LTK: variants seen among roughly 807,000 people sequenced by gnomAD.
The protein encoded by LTK is leukocyte receptor tyrosine kinase, also known as leukocyte tyrosine kinase receptor.
LTK carries 117 observed loss-of-function variants against 101.5 expected under a neutral mutation model. That is an observed-to-expected ratio of 1.15 (90% CI 0.99 to 1.34). The LOEUF (loss-of-function observed/expected upper bound fraction) is 1.34, where lower values mean the gene tolerates loss of function less well. LTK is among the 40% of genes most tolerant of loss of function. The pLI is 0.00. For missense variants in LTK, 1,252 were observed against 1,164.7 expected (o/e 1.07, Z -1.09); for synonymous variants, 563 against 494.2 (o/e 1.14, Z -1.85).
At position 41,511,979 on chromosome 15, in the gene LTK, G is replaced by T; in HGVS notation, c.511-16C>A. On this transcript the variant is annotated splice_polypyrimidine_tract_variant and intron_variant, in intron 4 of 19. Transcript: ENST00000263800. This position sits in a 1 kb window ranked among gnomAD's most constrained non-coding sequence, Gnocchi z 5.9. ...CCGGGCTACCCTGCGGGCAGCGGGG[G>T]AGGGAATCGGCGGGGCCCGGGAGCC... is the stretch of plus-strand genomic sequence containing the variant. 2 of 1,461,650 alleles carry T rather than the reference G, an allele frequency of 1.4e-6. No individual in the cohort carries two copies. Among genetic ancestry groups the T allele is most frequent in the South Asian group, 1.4e-5 (1 of 69,868 alleles). The allele number at this position is 1,461,650 out of a possible 1,614,324, so 90.5% of individuals were successfully genotyped here.
chr15:41,507,299 G>A lies in LTK; in HGVS notation c.1346-9C>T. The A allele has an allele frequency of 6.3e-7, 1 of 1,589,446 alleles. No homozygotes were observed. On this transcript the variant is annotated splice_polypyrimidine_tract_variant and intron_variant, in intron 10 of 19. Coordinates refer to ENST00000263800, the MANE Select transcript of LTK (RefSeq NM_002344.6). ...CCACTTCTTCTGCTTCACTGGGGGT[G>A]GGAAGAATAACGGCACACCCTCCAC...
chr15:41,511,411 C>CGCGCCCT lies in LTK; in HGVS notation c.814+4_814+10dup. 1 of 1,378,350 alleles carries CGCGCCCT rather than the reference C, an allele frequency of 7.3e-7. No individual in the cohort carries two copies. The highest frequency in any genetic ancestry group is 9.3e-7 in the Non-Finnish European group (1 of 1,074,846). 85.4% of individuals were successfully genotyped at this position (1,378,350 alleles called of 1,614,324 possible). ...AGCACGCCCGCCTCTCCCCGCGGCCCGCGCCCTCACCTGCCGCCCCGCCTC... is the reference window on the plus strand; with the variant it reads ...AGCACGCCCGCCTCTCCCCGCGGCCCGCGCCCTGCGCCCTCACCTGCCGCCCCGCCTC... On this transcript the variant is annotated intron_variant, in intron 6 of 19. Coordinates refer to ENST00000263800, the MANE Select transcript of LTK (RefSeq NM_002344.6). This position sits in a 1 kb window ranked among gnomAD's most constrained non-coding sequence, Gnocchi z 5.9.
Position 41,504,660 on chromosome 15 carries a change from A to G in LTK, c.2121-20T>C, listed in dbSNP as rs866007758. 1 of 1,610,784 alleles carries G rather than the reference A, an allele frequency of 6.2e-7. No homozygotes were observed. ...AAAGACCTGCATCACAAGTGGGGGA[A>G]CCAAGTGAGGCCCGTCAGGTGTAGC... On this transcript the variant is annotated intron_variant, in intron 17 of 19. Transcript: ENST00000263800.
rs1207905028 is a variant in LTK, at chr15:41,503,759, G to A, written c.*237C>T. ...CATGGACACCTGGGGTGTGTGTAAG[G>A]CGGCCTCTGGCCCCAAGATCAAAAG... On this transcript the variant is annotated 3_prime_UTR_variant, in exon 20 of 20. Coordinates refer to ENST00000263800, the MANE Select transcript of LTK (RefSeq NM_002344.6). The A allele has an allele frequency of 1.6e-5, 10 of 617,798 alleles. No homozygotes were observed. The highest frequency in any genetic ancestry group is 5.0e-5 in the Admixed American group (2 of 39,698). 38.3% of individuals were successfully genotyped at this position (617,798 alleles called of 1,614,324 possible).
intron 12 of LTK, 34 bp from the exon 13 acceptor site, chr15:41,505,811 C>G (rs1478454892): frequency 1.9e-6 from 3 of 1,610,920 alleles, no homozygotes; most frequent in East Asian, 2.2e-5. Flanking sequence ...TCTGAGCTGC[C>G]CTGCACGCTT....
At chr15:41,505,884 T>C (rs1451977189) in intron 12 of LTK, 31 bp downstream of exon 12, 5 of 1,604,348 alleles carry the variant, frequency 3.1e-6, no homozygotes, top group African/African-American at 1.3e-5. Context: ...TCCGCTCTCC[T>C]ACCCCCAGCC....
In LTK at chr15:41,511,140, T is replaced by A; in HGVS notation, c.997+24A>T. Reference sequence around the variant, plus strand: ...CACCTCACCCTCGGGCCTGCTCAGCTGCCCTCTCCAACGGTGCACCTACCC... The same window carrying A: ...CACCTCACCCTCGGGCCTGCTCAGCAGCCCTCTCCAACGGTGCACCTACCC... On this transcript the variant is annotated intron_variant, in intron 7 of 19. Coordinates refer to ENST00000263800, the MANE Select transcript of LTK (RefSeq NM_002344.6). The surrounding 1 kb of genome is among the most constrained non-coding windows in gnomAD (Gnocchi z 5.9). 7.2e-7 allele frequency: 1 copy of A among 1,387,006 alleles called. No individual in the cohort carries two copies. The highest frequency in any genetic ancestry group is 9.3e-7 in the Non-Finnish European group (1 of 1,076,744). The allele number at this position is 1,387,006 out of a possible 1,614,324, so 85.9% of individuals were successfully genotyped here.
chr15:41,503,994 G>T lies in LTK; in HGVS notation c.*2C>A. On this transcript the variant is annotated 3_prime_UTR_variant, in exon 20 of 20. Coordinates refer to ENST00000263800, the MANE Select transcript of LTK (RefSeq NM_002344.6). The stretch of plus-strand genomic sequence containing the variant: ...GTCCTTACCCTCAGGGCCCCTTGGG[G>T]CTCAGGAGCGATAAGTGGGATTCCA... 1 of 1,597,964 alleles carries T rather than the reference G, an allele frequency of 6.3e-7. No individual in the cohort carries two copies. Among genetic ancestry groups the T allele is most frequent in the Non-Finnish European group, 8.5e-7 (1 of 1,172,328 alleles).
At chr15:41,510,769 G>T (rs1232157848) in intron 7 of LTK, among the ~76,000 whole-genome samples, 2 of 152,176 alleles carry the variant, frequency 1.3e-5, no homozygotes, top group African/African-American at 4.8e-5. Flanking sequence ...CTGATAATGT[G>T]CATTTCGAAC....
In LTK at chr15:41,505,014, ACTCGG is replaced by A. The variant is rs1566863270; in HGVS notation, c.1971_1975del (p.Arg658GlyfsTer87). On this transcript the variant is annotated frameshift_variant, in exon 16 of 20. Transcript: ENST00000263800. LOFTEE classifies it high-confidence loss of function. ...CATCCCAAAGTCCCCAATCTTGGCC[ACTCGG>A]CTGGGTCCAGCGCAGCTCAGCAGGC... The A allele has an allele frequency of 1.9e-6, 3 of 1,613,418 alleles. No individual in the cohort carries two copies. Among genetic ancestry groups the A allele is most frequent in the South Asian group, 1.1e-5 (1 of 91,030 alleles).
Position 41,505,382 on chromosome 15 carries a change from G to GT in LTK, c.1827+18_1827+19insA, listed in dbSNP as rs397757099. 4 of 1,613,492 alleles carry GT rather than the reference G, an allele frequency of 2.5e-6. No individual in the cohort carries two copies. Among genetic ancestry groups the GT allele is most frequent in the Admixed American group, 3.3e-5 (2 of 59,936 alleles). On this transcript the variant is annotated intron_variant, in intron 14 of 19. Transcript: ENST00000263800. The stretch of plus-strand genomic sequence containing the variant: ...AGGGTCTTTAGAGGGGCCTGGGGGG[G>GT]CTAAGACAAGGGTCTCACCAGGTGT...
In LTK at chr15:41,511,495, CCGGCCTCGGTCCCG is replaced by C. The variant is rs2051459863; in HGVS notation, c.727_740del (p.Arg243AspfsTer93). ...CCAGTTTCTCGGGGGAGGCCTGAGT[CCGGCCTCGGTCCCG>C]CGGCCTCAGGTAGGCCCGACCGCCG... is the stretch of plus-strand genomic sequence containing the variant. On this transcript the variant is annotated frameshift_variant, in exon 6 of 20. Coordinates refer to ENST00000263800, the MANE Select transcript of LTK (RefSeq NM_002344.6). LOFTEE classifies it high-confidence loss of function. This position sits in a 1 kb window ranked among gnomAD's most constrained non-coding sequence, Gnocchi z 5.9. 1.4e-6 allele frequency: 2 copies of C among 1,477,108 alleles called. No homozygotes were observed. Among genetic ancestry groups the C allele is most frequent in the Non-Finnish European group, 1.8e-6 (2 of 1,123,824 alleles). 91.5% of individuals were successfully genotyped at this position (1,477,108 alleles called of 1,614,324 possible). A position where few individuals can be genotyped will look rare whatever the true frequency, so the allele number is the denominator to read the frequency against.
rs1386439467 is a variant in LTK at position 41,505,537 on chromosome 15, G to A, written c.1698-7C>T. On this transcript the variant is annotated splice_polypyrimidine_tract_variant and splice_region_variant and intron_variant, in intron 13 of 19. Coordinates refer to ENST00000263800, the MANE Select transcript of LTK (RefSeq NM_002344.6). ...GTTCTGATGGCGAAACTTGCTGAGT[G>A]GGGTGGGGGACATATCCCGTTACCA... 1.9e-6 allele frequency: 3 copies of A among 1,613,734 alleles called. No individual in the cohort carries two copies. The highest frequency in any genetic ancestry group is 2.5e-6 in the Non-Finnish European group (3 of 1,179,926).
intron 7 of LTK, among the ~76,000 whole-genome samples, chr15:41,509,906 T>G (rs1297992591): frequency 1.3e-5 from 2 of 152,176 alleles, no homozygotes; most frequent in African/African-American, 4.8e-5. Context: ...TGTTTTGAAA[T>G]ATGTACACAC....
chr15:41,512,009 C>A, intron 4 of LTK, 46 bp from the exon 5 acceptor site: 3 of 1,445,380 alleles, frequency 2.1e-6, no homozygotes, highest in Non-Finnish European at 2.7e-6. Context: ...GGAGCCTCCC[C>A]TCGCTGTGCT....
chr15:41,508,030 AC>A, intron 9 of LTK, 38 bp downstream of exon 9: 1 of 1,542,102 alleles, frequency 6.5e-7, no homozygotes, highest in Non-Finnish European at 8.7e-7. Context: ...CCAGTCTGTG[AC>A]CCCAGGAGTC....
At chr15:41,505,883 C>A (rs750333108) in intron 12 of LTK, 32 bp downstream of exon 12, 58 of 1,604,618 alleles carry the variant, frequency 3.6e-5, no homozygotes, top group Non-Finnish European at 4.9e-5. Context: ...TTCCGCTCTC[C>A]TACCCCCAGC....
intron 8 of LTK, among the ~76,000 whole-genome samples, chr15:41,508,546 G>A (rs547478204): frequency 1.3e-5 from 2 of 149,956 alleles, no homozygotes; most frequent in East Asian, 3.9e-4. Flanking sequence ...GACAGAGCGA[G>A]ACTCTGTCTC....
In LTK at chr15:41,511,316, G is replaced by A; in HGVS notation, c.845C>T (p.Pro282Leu). 7.3e-7 allele frequency: 1 copy of A among 1,365,280 alleles called. No homozygotes were observed. Among genetic ancestry groups the A allele is most frequent in the Non-Finnish European group, 9.4e-7 (1 of 1,067,272 alleles). The allele number at this position is 1,365,280 out of a possible 1,614,324, so 84.6% of individuals were successfully genotyped here. Reference protein sequence around the residue: ...GGGGGWTSRAPSPQAGRSLQE... With the variant: ...GGGGGWTSRALSPQAGRSLQE... ...CAGTGAGCGGCCGGCCTGCGGAGAG[G>A]GAGCCCGCGACGTCCAGCCGCCCCC... is the stretch of plus-strand genomic sequence containing the variant. The change falls in exon 7 of 20, where the codon CCC becomes CTC. Residue 282 changes from proline to leucine, a missense_variant. By Grantham distance (98) the Pro-to-Leu change is moderately conservative (BLOSUM62 -3). Transcript: ENST00000263800. This position sits in a 1 kb window ranked among gnomAD's most constrained non-coding sequence, Gnocchi z 5.9.
Sources: allele counts gnomAD v4.1 joint callset (sites outside exome capture counted in the v4.1 genomes callset), GRCh38; gene constraint gnomAD v4.1.1; non-coding constraint Gnocchi (gnomAD v3.1); transcripts MANE v1.5; gene names NCBI Gene and HGNC (gene_info 2026-07-23, HGNC 2026-07-21).